The following TCP11 variants were observed in gnomAD, a reference collection of about 807,000 sequenced individuals.
The protein encoded by TCP11 is t-complex 11, also known as T-complex protein 11 homolog.
In TCP11, 34 loss-of-function variants were observed where a neutral mutation model predicts 45.0. The ratio of observed to expected loss-of-function variants is 0.76; its 90% CI spans 0.57 to 1.01. TCP11 has a LOEUF of 1.01. TCP11 is among the 50% of genes least tolerant of loss of function. TCP11 has a pLI of 0.00. For missense variants in TCP11, 523 were observed against 598.1 expected (o/e 0.87, Z 1.31); for synonymous variants, 227 against 227.0 (o/e 1.00, Z 0.00).
chr6:35,141,290 G>A lies in TCP11; in HGVS notation c.-100C>T. 5.4e-6 allele frequency: 7 copies of A among 1,292,880 alleles called. No individual in the cohort carries two copies. The highest frequency in any genetic ancestry group is 6.9e-6 in the Non-Finnish European group (7 of 1,020,914). 80.1% of individuals were successfully genotyped at this position (1,292,880 alleles called of 1,614,324 possible). ...CGGCCTGGAGCGTACCACCGCGGCG[G>A]AGCGGCGGGTTGGGGCGTCGCACGG... On this transcript the variant is annotated 5_prime_UTR_variant, in exon 1 of 10. Transcript: ENST00000311875.
rs1300260237 is a variant in TCP11, at chr6:35,129,108, G to T, written c.311C>A (p.Pro104His). The stretch of plus-strand genomic sequence containing the variant: ...TTCAAGAGCACAGCTGAAGTCAGGG[G>T]GAGTTGCTGATAGTTGCTCTTTAAG... ...DHLKEQLSATPPDFSCALELL... is the reference protein window; with the variant it reads ...DHLKEQLSATHPDFSCALELL... The change falls in exon 4 of 10, where the codon CCC (proline) becomes CAC (histidine). Residue 104 changes from proline to histidine, a missense_variant. Around this residue, in one of 2 missense-constraint regions of TCP11, gnomAD observed 225 missense variants for 210.2 expected, o/e 1.07. Transcript: ENST00000311875. 1.2e-6 allele frequency: 2 copies of T among 1,614,060 alleles called. No individual in the cohort carries two copies. Among genetic ancestry groups the T allele is most frequent in the South Asian group, 1.1e-5 (1 of 91,072 alleles).
At chr6:35,121,300 TA>T (rs1484521666) in intron 5 of TCP11, among the ~76,000 whole-genome samples, 1 of 152,058 alleles carries the variant, frequency 6.6e-6, no homozygotes, top group African/African-American at 2.4e-5. Flanking sequence ...TGTTGCCTCT[TA>T]AAAAGGGTAG....
rs1248361837 is a variant in TCP11 at position 35,141,220 on chromosome 6, C to T, written c.-30G>A. On this transcript the variant is annotated 5_prime_UTR_variant, in exon 1 of 10. Transcript: ENST00000311875. ...AGGCCGTCACCTCCTCCTCCCCCGC[C>T]GCGGGTCATCCACTGGCGTCCGCTC... 7.1e-7 allele frequency: 1 copy of T among 1,404,006 alleles called. No homozygotes were observed. Among genetic ancestry groups the T allele is most frequent in the Middle Eastern group, 2.6e-4 (1 of 3,836 alleles). 87.0% of individuals were successfully genotyped at this position (1,404,006 alleles called of 1,614,324 possible).
At chr6:35,127,294 C>T (rs1779937350) in intron 4 of TCP11, among the ~76,000 whole-genome samples, 1 of 152,168 alleles carries the variant, frequency 6.6e-6, no homozygotes, top group African/African-American at 2.4e-5. Flanking sequence ...AAAGACCATG[C>T]CTGAAACTCA....
At chr6:35,119,743 T>C (rs1253422138) in intron 8 of TCP11, among the ~76,000 whole-genome samples, 2 of 152,238 alleles carry the variant, frequency 1.3e-5, no homozygotes, top group Non-Finnish European at 2.9e-5. Context: ...TGTTTAAGAC[T>C]TTCTTAGGCA....
chr6:35,134,514 C>T (rs1243434902), intron 3 of TCP11, among the ~76,000 whole-genome samples: 6 of 151,778 alleles, frequency 4.0e-5, no homozygotes, highest in South Asian at 2.1e-4. Flanking sequence ...CTCTTGACCT[C>T]GTGATCCACC....
chr6:35,120,886 C>A lies in TCP11; in HGVS notation c.715+23G>T. 6.2e-7 allele frequency: 1 copy of A among 1,600,360 alleles called. No homozygotes were observed. The highest frequency in any genetic ancestry group is 8.5e-7 in the Non-Finnish European group (1 of 1,172,068). On this transcript the variant is annotated intron_variant, in intron 6 of 9. Transcript: ENST00000311875. This position sits in a 1 kb window ranked among gnomAD's most constrained non-coding sequence, Gnocchi z 4.9. Reference sequence around the variant, plus strand: ...ACCCAAGGTAATACCTTTCCCACTCCTGCCCTCACATTATATACATACTAG... The same window carrying A: ...ACCCAAGGTAATACCTTTCCCACTCATGCCCTCACATTATATACATACTAG...
At position 35,120,402 on chromosome 6, in the gene TCP11, C is replaced by A; in HGVS notation, c.933+27G>T. ...CCCGATGGAAGCCCTGAACACAAAACAAGGCAATGCCCCCAGACATTCCTA... is the reference window on the plus strand; with the variant it reads ...CCCGATGGAAGCCCTGAACACAAAAAAAGGCAATGCCCCCAGACATTCCTA... On this transcript the variant is annotated intron_variant, in intron 7 of 9. Coordinates refer to ENST00000311875, the MANE Select transcript of TCP11 (RefSeq NM_001370687.1). This position sits in a 1 kb window ranked among gnomAD's most constrained non-coding sequence, Gnocchi z 4.9. 2 of 1,590,348 alleles carry A rather than the reference C, an allele frequency of 1.3e-6. No individual in the cohort carries two copies. The highest frequency in any genetic ancestry group is 8.6e-7 in the Non-Finnish European group (1 of 1,167,548).
Position 35,140,557 on chromosome 6 carries a change from C to G in TCP11, c.124+190G>C, listed in dbSNP as rs770564824. 17 of 677,514 alleles carry G rather than the reference C, an allele frequency of 2.5e-5. No individual in the cohort carries two copies. The African/African-American group carries it at 3.0e-4, about 12-fold the overall frequency. The allele number at this position is 677,514 out of a possible 1,614,324, so 42.0% of individuals were successfully genotyped here. A position where few individuals can be genotyped will look rare whatever the true frequency, so the allele number is the denominator to read the frequency against. ...GTAATCACGCTTGGGTCACTTCTTT[C>G]TCTAGAACCAAAAACTCTTTGAAGA... is the stretch of plus-strand genomic sequence containing the variant. On this transcript the variant is annotated intron_variant, in intron 2 of 9. Coordinates refer to ENST00000311875, the MANE Select transcript of TCP11 (RefSeq NM_001370687.1).
intron 4 of TCP11, 26 bp from the exon 5 acceptor site, chr6:35,122,363 G>A (rs1365464638): frequency 1.2e-6 from 2 of 1,609,806 alleles, no homozygotes; most frequent in Admixed American, 3.3e-5. Flanking sequence ...AGTCAAAGGA[G>A]TTGATCTGTT....
chr6:35,132,382 C>T (rs10947537), intron 3 of TCP11, among the ~76,000 whole-genome samples: 55,435 of 152,178 alleles, frequency 0.36, 12,706 homozygotes, highest in Middle Eastern at 0.49. Flanking sequence ...TCTCATTAAA[C>T]TCTATATATG....
intron 2 of TCP11, chr6:35,140,045 AC>A: frequency 6.2e-7 from 1 of 1,614,104 alleles, no homozygotes; most frequent in Non-Finnish European, 8.5e-7. Context: ...GTTGGAAATG[AC>A]CCCAATATGC....
At chr6:35,139,332 T>C (rs909292416) in intron 2 of TCP11, among the ~76,000 whole-genome samples, 6 of 152,184 alleles carry the variant, frequency 3.9e-5, no homozygotes, top group Non-Finnish European at 1.5e-5. Context: ...CTGTGGGCAT[T>C]CACTGTATTA....
Position 35,141,293 on chromosome 6 carries a change from C to A in TCP11, c.-103G>T. The A allele has an allele frequency of 7.8e-7, 1 of 1,288,890 alleles. No homozygotes were observed. The highest frequency in any genetic ancestry group is 9.8e-7 in the Non-Finnish European group (1 of 1,018,366). The allele number at this position is 1,288,890 out of a possible 1,614,324, so 79.8% of individuals were successfully genotyped here. A position where few individuals can be genotyped will look rare whatever the true frequency, so the allele number is the denominator to read the frequency against. Reference sequence around the variant, plus strand: ...CCTGGAGCGTACCACCGCGGCGGAGCGGCGGGTTGGGGCGTCGCACGGTGA... The same window carrying A: ...CCTGGAGCGTACCACCGCGGCGGAGAGGCGGGTTGGGGCGTCGCACGGTGA... On this transcript the variant is annotated 5_prime_UTR_variant, in exon 1 of 10. Coordinates refer to ENST00000311875, the MANE Select transcript of TCP11 (RefSeq NM_001370687.1).
At chr6:35,129,253 C>T in intron 3 of TCP11, 71 bp from the exon 4 acceptor site, 1 of 1,526,666 alleles carries the variant, frequency 6.6e-7, no homozygotes. Flanking sequence ...ACCTCCTAAA[C>T]CCCAAACTGA....
At chr6:35,123,589 C>T (rs1779511303) in intron 4 of TCP11, among the ~76,000 whole-genome samples, 1 of 152,038 alleles carries the variant, frequency 6.6e-6, no homozygotes, top group Non-Finnish European at 1.5e-5. Flanking sequence ...ATCCTCCCAC[C>T]TCAGCCTCCT....
chr6:35,140,543 T>C, intron 2 of TCP11: 1 of 665,100 alleles, frequency 1.5e-6, no homozygotes, highest in Admixed American at 2.0e-5. Context: ...TAATCACGCT[T>C]GGGTCACTTC....
intron 5 of TCP11, 67 bp from the exon 6 acceptor site, chr6:35,121,112 C>A: frequency 6.7e-7 from 1 of 1,492,254 alleles, no homozygotes; most frequent in Non-Finnish European, 9.0e-7. Flanking sequence ...GTCATTAAAT[C>A]ACTGTATTTT....
At chr6:35,139,278 G>C (rs750824914) in intron 2 of TCP11, among the ~76,000 whole-genome samples, 2 of 151,952 alleles carry the variant, frequency 1.3e-5, no homozygotes, top group African/African-American at 4.8e-5. Context: ...GCAGGAGGGG[G>C]AAATACAGGG....
Sources: allele counts gnomAD v4.1 joint callset (sites outside exome capture counted in the v4.1 genomes callset), GRCh38; gene constraint gnomAD v4.1.1; regional missense constraint gnomAD v4.1.1; non-coding constraint Gnocchi (gnomAD v3.1); transcripts MANE v1.5; gene names NCBI Gene and HGNC (gene_info 2026-07-23, HGNC 2026-07-21).